Variants in CAMTA1 observed in about 807,000 individuals in gnomAD.
The protein encoded by CAMTA1 is calmodulin binding transcription activator 1.
A neutral mutation model predicts 170.9 loss-of-function variants in CAMTA1; 27 were observed. The observed-to-expected ratio is 0.16, with a 90% CI of 0.12 to 0.22. The LOEUF is 0.22. Among genes scored for constraint, CAMTA1 ranks in the 10% least tolerant of loss-of-function variants. The probability of loss-of-function intolerance (pLI) is 1.00; values close to 1 mark genes in which losing one functional copy is unlikely to be tolerated. For missense variants in CAMTA1, 1,619 were observed against 2,217.2 expected, an observed-to-expected ratio of 0.73 and a Z score of 5.42; for synonymous variants, 833 against 891.5, an observed-to-expected ratio of 0.93 and a Z score of 1.17.
chr1:7,123,252 G>T (rs1246210502), intron 4 of CAMTA1, among the ~76,000 whole-genome samples: 4 of 152,082 alleles, frequency 2.6e-5, no homozygotes, highest in Non-Finnish European at 5.9e-5. Context: ...GTACCCTCAG[G>T]TGTTCCTTGG....
chr1:7,484,912 C>A (rs1305119911), intron 6 of CAMTA1, among the ~76,000 whole-genome samples: 1 of 152,196 alleles, frequency 6.6e-6, no homozygotes, highest in Admixed American at 6.5e-5. Flanking sequence ...GGCTCTCTCC[C>A]CTCTCTGGCC....
intron 5 of CAMTA1, among the ~76,000 whole-genome samples, chr1:7,391,829 A>G (rs2088753736): frequency 6.6e-6 from 1 of 152,166 alleles, no homozygotes; most frequent in Non-Finnish European, 1.5e-5. Flanking sequence ...ATGTAGTTGC[A>G]TGTATCAGTA....
chr1:6,900,932 C>G (rs116706737), intron 3 of CAMTA1, among the ~76,000 whole-genome samples: 2,237 of 152,252 alleles, frequency 0.015, 49 homozygotes, highest in African/African-American at 0.051. Flanking sequence ...TGCAAAAGAT[C>G]TAGAAAGACC....
intron 3 of CAMTA1, among the ~76,000 whole-genome samples, chr1:7,016,094 C>T (rs1700490189): frequency 6.6e-6 from 1 of 151,956 alleles, no homozygotes; most frequent in African/African-American, 2.4e-5. Flanking sequence ...CCATGTCATG[C>T]AGCCACACCC....
At chr1:7,756,583 T>C (rs558324123) in intron 22 of CAMTA1, among the ~76,000 whole-genome samples, 1 of 152,134 alleles carries the variant, frequency 6.6e-6, no homozygotes, top group African/African-American at 2.4e-5. Flanking sequence ...GTACGATGGC[T>C]CATGCCTATA....
At chr1:7,643,503 T>G (rs1376634667) in intron 7 of CAMTA1, among the ~76,000 whole-genome samples, 1 of 152,136 alleles carries the variant, frequency 6.6e-6, no homozygotes, top group African/African-American at 2.4e-5. Flanking sequence ...ATGCTCCCCA[T>G]TTTTCCTGGA....
intron 5 of CAMTA1, among the ~76,000 whole-genome samples, chr1:7,284,165 C>A (rs866833883): frequency 8.5e-6 from 1 of 117,978 alleles, no homozygotes; most frequent in African/African-American, 3.4e-5. Flanking sequence ...TCTTCTTCTT[C>A]TTCTTCTTCT....
Position 7,050,450 on chromosome 1 carries a change from G to A in CAMTA1, c.235-40854G>A, listed in dbSNP as rs4908591. On this transcript the variant is annotated intron_variant, in intron 3 of 22. Transcript: ENST00000303635. This position sits in a 1 kb window ranked among gnomAD's most constrained non-coding sequence, Gnocchi z 4.8. ...CTCATTGCCACTCTGGGTCCCGACC[G>A]GGTGTGGGTTCAGATGAAGACTCTC... Among the ~76,000 whole-genome samples, 30,462 of 152,116 alleles carry A rather than the reference G, an allele frequency of 0.2. 3,252 individuals are homozygous for A. Among genetic ancestry groups the A allele is most frequent in the Non-Finnish European group, 0.25 (17,303 of 67,954 alleles).
At chr1:7,747,905 T>G in intron 19 of CAMTA1, 124 bp downstream of exon 19, 1 of 504,564 alleles carries the variant, frequency 2.0e-6, no homozygotes, top group Non-Finnish European at 3.3e-6. Context: ...GTTTTTTGGT[T>G]GTTTTTTTTT....
At chr1:7,405,334 G>GA (rs2090210144) in intron 5 of CAMTA1, among the ~76,000 whole-genome samples, 1 of 151,678 alleles carries the variant, frequency 6.6e-6, no homozygotes, top group Admixed American at 6.6e-5. Flanking sequence ...TATACACTTA[G>GA]AAAAAAAGCT....
At position 7,655,563 on chromosome 1, in the gene CAMTA1, AAC is replaced by A. The variant is rs1192129631; in HGVS notation, c.665-6158_665-6157del. The stretch of plus-strand genomic sequence containing the variant: ...ACTGATATGCACACCTATACACACA[AAC>A]ACACCCACCTACACACACAAACACC... On this transcript the variant is annotated intron_variant, in intron 7 of 22. Transcript: ENST00000303635. Among the ~76,000 whole-genome samples the A allele has an allele frequency of 1.0e-4, 14 of 139,214 alleles. No individual in the cohort carries two copies. In the East Asian group the frequency reaches 3.2e-3, roughly 32 times the overall value. The allele number at this position is 139,214 out of a possible 152,430, so 91.3% of individuals were successfully genotyped here.
chr1:7,279,665 G>A (rs1426430230), intron 5 of CAMTA1, among the ~76,000 whole-genome samples: 2 of 152,148 alleles, frequency 1.3e-5, no homozygotes, highest in East Asian at 1.9e-4. Context: ...CGTGCCGAGG[G>A]CCAAGCTCTC....
intron 4 of CAMTA1, among the ~76,000 whole-genome samples, chr1:7,175,137 T>C (rs932516675): frequency 4.6e-5 from 7 of 152,176 alleles, no homozygotes; most frequent in East Asian, 1.9e-4. Context: ...CTCTGGCCCA[T>C]GTGCCCAAGC....
intron 4 of CAMTA1, among the ~76,000 whole-genome samples, chr1:7,150,293 A>T (rs1383783223): frequency 2.0e-5 from 3 of 152,104 alleles, no homozygotes. Context: ...ATTGCACCTG[A>T]CTGGGTGTGA....
chr1:7,238,344 T>C (rs908141992), intron 4 of CAMTA1, among the ~76,000 whole-genome samples: 3 of 152,160 alleles, frequency 2.0e-5, no homozygotes, highest in Non-Finnish European at 4.4e-5. Flanking sequence ...CGCTTACTAG[T>C]CCTCTGACCT....
At chr1:7,429,858 C>T (rs914308542) in intron 5 of CAMTA1, among the ~76,000 whole-genome samples, 5 of 152,094 alleles carry the variant, frequency 3.3e-5, no homozygotes, top group Admixed American at 3.3e-4. Flanking sequence ...GCAGGCACAT[C>T]TTACATGGCT....
intron 4 of CAMTA1, among the ~76,000 whole-genome samples, chr1:7,222,649 T>G (rs186386519): frequency 6.6e-6 from 1 of 152,240 alleles, no homozygotes; most frequent in Admixed American, 6.5e-5. Flanking sequence ...CCATATTGAT[T>G]GTTTCATCCC....
intron 6 of CAMTA1, among the ~76,000 whole-genome samples, chr1:7,551,748 G>T (rs1250511483): frequency 1.3e-5 from 2 of 152,198 alleles, no homozygotes; most frequent in African/African-American, 2.4e-5. Flanking sequence ...GCCTGTCCCT[G>T]GCACTGGGTC....
chr1:6,809,636 G>C (rs1644940460), intron 1 of CAMTA1, among the ~76,000 whole-genome samples: 1 of 152,094 alleles, frequency 6.6e-6, no homozygotes, highest in South Asian at 2.1e-4. Context: ...ACAATTAGAA[G>C]TCACAGTTGT....
Sources: gnomAD v4.1 joint callset for allele counts (sites outside exome capture counted in the v4.1 genomes callset) on GRCh38, gnomAD v4.1.1 for gene constraint, Gnocchi (gnomAD v3.1) non-coding constraint, MANE v1.5 for transcripts, NCBI Gene and HGNC (gene_info 2026-07-23, HGNC 2026-07-21) for gene names.